Variants in AP3D1 observed in about 807,000 individuals in gnomAD.
AP3D1 encodes the protein AP-3 complex subunit delta-1.
In AP3D1, 51 loss-of-function variants were observed where a neutral mutation model predicts 147.6. The observed-to-expected ratio is 0.35, with a 90% CI of 0.28 to 0.44. The LOEUF is 0.44. Ranked by LOEUF, AP3D1 falls within the 20% of genes least tolerant of loss-of-function variation. AP3D1 has a pLI of 1.00. For missense variants in AP3D1, 1,421 were observed against 1,624.2 expected (o/e 0.87, Z 2.15); for synonymous variants, 760 against 663.0 (o/e 1.15, Z -2.25).
intron 11 of AP3D1, among the ~76,000 whole-genome samples, chr19:2,123,058 G>A (rs2145077067): frequency 6.6e-6 from 1 of 152,392 alleles, no homozygotes; most frequent in South Asian, 2.1e-4. Context: ...TGCTCAGTGA[G>A]TGGCATCTGT....
At chr19:2,136,718 G>A (rs2019085606) in intron 4 of AP3D1, among the ~76,000 whole-genome samples, 1 of 152,214 alleles carries the variant, frequency 6.6e-6, no homozygotes, top group South Asian at 2.1e-4. Context: ...GAGGCCAGCT[G>A]CGAGTGGACC....
At chr19:2,145,331 A>G (rs2238608) in intron 1 of AP3D1, among the ~76,000 whole-genome samples, 48,830 of 152,120 alleles carry the variant, frequency 0.32, 9,095 homozygotes, top group Non-Finnish European at 0.43. Context: ...CGGGGTCCCC[A>G]CATCCCTCCG....
At chr19:2,132,072 C>T (rs2018965523) in intron 5 of AP3D1, among the ~76,000 whole-genome samples, 1 of 152,154 alleles carries the variant, frequency 6.6e-6, no homozygotes, top group Non-Finnish European at 1.5e-5. Flanking sequence ...TAGACTGTCA[C>T]AGCCGGGGGC....
intron 31 of AP3D1, among the ~76,000 whole-genome samples, chr19:2,107,268 A>AG: frequency 6.6e-6 from 1 of 151,466 alleles, no homozygotes; most frequent in Admixed American, 6.6e-5. Flanking sequence ...TCAAAAAAAA[A>AG]AAAACAAAGC....
At chr19:2,111,190 A>G in intron 26 of AP3D1, 95 bp downstream of exon 26, 1 of 1,482,138 alleles carries the variant, frequency 6.7e-7, no homozygotes, top group Non-Finnish European at 9.3e-7. Flanking sequence ...GTATACCAAC[A>G]TCCGGGAGCT....
At chr19:2,137,621 G>C (rs1012954378) in intron 3 of AP3D1, 106 bp downstream of exon 3, 2 of 1,004,222 alleles carry the variant, frequency 2.0e-6, no homozygotes, top group Non-Finnish European at 3.1e-6. Context: ...GGGTAACAGA[G>C]CTAGACTCTG....
At position 2,159,173 on chromosome 19, in the gene AP3D1, A is replaced by G. The variant is rs1034402114; in HGVS notation, c.-103+5183T>C. On this transcript the variant is annotated intron_variant, in intron 1 of 14. Coordinates refer to the AP3D1 transcript ENST00000643010. ...CCAGGCTAATTTTTTTATTTTTAGTAGAGACGGGGTTTCACCATGTTGGCC... is the reference window on the plus strand; with the variant it reads ...CCAGGCTAATTTTTTTATTTTTAGTGGAGACGGGGTTTCACCATGTTGGCC... Among the ~76,000 whole-genome samples, 4 of 148,422 alleles carry G rather than the reference A, an allele frequency of 2.7e-5. No individual in the cohort carries two copies. The East Asian group carries it at 6.0e-4, about 22-fold the overall frequency.
chr19:2,124,643 G>C (rs185354957), intron 9 of AP3D1, among the ~76,000 whole-genome samples: 3 of 152,244 alleles, frequency 2.0e-5, no homozygotes, highest in Admixed American at 1.3e-4. Flanking sequence ...GGACGCAAAA[G>C]CATAACAATG....
intron 27 of AP3D1, 98 bp from the exon 28 acceptor site, chr19:2,110,322 G>C: frequency 9.5e-7 from 1 of 1,047,320 alleles, no homozygotes; most frequent in East Asian, 2.4e-5. Context: ...CTCTGTGGCT[G>C]ATTAGGAAAC....
At chr19:2,162,147 C>T (rs1464252714) in intron 1 of AP3D1, among the ~76,000 whole-genome samples, 1 of 150,392 alleles carries the variant, frequency 6.6e-6, no homozygotes, top group Non-Finnish European at 1.5e-5. Context: ...GTGATTTCTC[C>T]TGCCTCAGCC....
At chr19:2,153,563 C>T (rs1403416611), upstream of AP3D1, among the ~76,000 whole-genome samples, 1 of 151,706 alleles carries the variant, frequency 6.6e-6, no homozygotes, top group African/African-American at 2.4e-5. Flanking sequence ...GTAATCCCAG[C>T]TATTGGGGAG....
Position 2,115,301 on chromosome 19 carries a change from C to T in AP3D1, c.2267G>A (p.Arg756His), listed in dbSNP as rs766937934. 8 of 1,612,728 alleles carry T rather than the reference C, an allele frequency of 5.0e-6. No individual in the cohort carries two copies. Among genetic ancestry groups the T allele is most frequent in the East Asian group, 2.2e-5 (1 of 44,896 alleles). The change falls in exon 20 of 32, where the codon CGC (arginine) becomes CAC (histidine). Residue 756 changes from arginine (R) to histidine (H), a missense_variant. Physicochemically the swap from Arg to His is conservative, Grantham distance 29. Around this residue, in one of 6 missense-constraint regions of AP3D1, gnomAD observed 791 missense variants for 761.4 expected, o/e 1.04. Transcript: ENST00000643116. ...RKEKEKKGKR[R>H]HSSLPTESDE... ...GCTCTCCGTGGGCAGCGAGCTGTGG[C>T]GGCGCTTGCCCTTCTTCTCCTTCTC...
intron 1 of AP3D1, among the ~76,000 whole-genome samples, chr19:2,149,458 G>A (rs1471953232): frequency 6.6e-6 from 1 of 151,266 alleles, no homozygotes; most frequent in African/African-American, 2.4e-5. Flanking sequence ...CAGGAGAATC[G>A]CTTGAACCTG....
intron 30 of AP3D1, 122 bp from the exon 31 acceptor site, chr19:2,108,888 G>C: frequency 3.0e-6 from 4 of 1,340,014 alleles, no homozygotes; most frequent in Non-Finnish European, 4.1e-6. Flanking sequence ...TGTAGGAGCA[G>C]GGTGTGGCCC....
intron 14 of AP3D1, 52 bp downstream of exon 14, chr19:2,120,810 C>A: frequency 6.5e-7 from 1 of 1,548,922 alleles, no homozygotes; most frequent in Non-Finnish European, 8.8e-7. Flanking sequence ...CTGGTCCCTA[C>A]CCCTCAGAAG....
upstream of AP3D1, among the ~76,000 whole-genome samples, chr19:2,152,357 A>C (rs1416822031): frequency 6.6e-6 from 1 of 151,838 alleles, no homozygotes; most frequent in African/African-American, 2.4e-5. Context: ...AGCCAGGCCA[A>C]CATGGTGAAA....
intron 30 of AP3D1, 69 bp from the exon 31 acceptor site, chr19:2,108,835 G>A: frequency 4.6e-6 from 7 of 1,506,824 alleles, no homozygotes; most frequent in Non-Finnish European, 6.3e-6. Flanking sequence ...CCAGAGCAGG[G>A]GCCACCTTCT....
upstream of AP3D1, among the ~76,000 whole-genome samples, chr19:2,154,935 T>G (rs1025631598): frequency 1.3e-5 from 2 of 152,236 alleles, no homozygotes; most frequent in Non-Finnish European, 2.9e-5. Flanking sequence ...TTCCCAGCAC[T>G]TCCGGAGGCT....
chr19:2,147,365 G>C, intron 1 of AP3D1, among the ~76,000 whole-genome samples: 1 of 100,506 alleles, frequency 9.9e-6, no homozygotes. Flanking sequence ...AAAAAAAAAA[G>C]AAAAGAAAAC....
Sources: gnomAD v4.1 joint callset for allele counts (sites outside exome capture counted in the v4.1 genomes callset) on GRCh38, gnomAD v4.1.1 for gene constraint, gnomAD v4.1.1 regional missense constraint, MANE v1.5 for transcripts, NCBI Gene and HGNC (gene_info 2026-07-23, HGNC 2026-07-21) for gene names.